Variants in SIDT2 observed in about 807,000 individuals in gnomAD.
The protein encoded by SIDT2 is SID1 transmembrane family member 2.
SIDT2 carries 68 observed loss-of-function variants against 114.4 expected under a neutral mutation model. The ratio of observed to expected loss-of-function variants is 0.59; its 90% CI spans 0.49 to 0.73. The LOEUF (loss-of-function observed/expected upper bound fraction) is 0.73, where lower values mean the gene tolerates loss of function less well. SIDT2 is among the 30% of genes least tolerant of loss of function. The probability of loss-of-function intolerance (pLI) is 0.00; values close to 1 mark genes in which losing one functional copy is unlikely to be tolerated. For missense variants in SIDT2, 918 were observed against 1,097.1 expected, an observed-to-expected ratio of 0.84 and a Z score of 2.31; for synonymous variants, 470 against 438.4, an observed-to-expected ratio of 1.07 and a Z score of -0.90.
rs998562815 is a variant in SIDT2 at position 117,191,934 on chromosome 11, C to T, written c.1792C>T (p.Arg598Trp). 5.0e-6 allele frequency: 8 copies of T among 1,614,050 alleles called. No homozygotes were observed. Among genetic ancestry groups the T allele is most frequent in the South Asian group, 2.2e-5 (2 of 91,084 alleles). The change falls in exon 19 of 26, where the codon CGG becomes TGG. Residue 598 changes from arginine to tryptophan, a missense_variant. Physicochemically the swap from Arg to Trp is moderately radical, Grantham distance 101. This residue lies in a region of SIDT2 where 275 missense variants were observed against 397.6 expected (regional missense o/e 0.69). Transcript: ENST00000324225. ...GLCMLKLYQK[R>W]HPDINASAYS... The stretch of plus-strand genomic sequence containing the variant: ...CTGCATGCTGAAGCTCTACCAGAAG[C>T]GGCACCCGGACATCAACGCCAGCGC...
In SIDT2 at chr11:117,190,508, G is replaced by A. The variant is rs531520007; in HGVS notation, c.1618-115G>A. 2.2e-5 allele frequency: 17 copies of A among 783,908 alleles called. 1 individual carries two copies. The highest frequency in any genetic ancestry group is 1.2e-4 in the South Asian group (5 of 42,776). The allele number at this position is 783,908 out of a possible 1,614,324, so 48.6% of individuals were successfully genotyped here. A position where few individuals can be genotyped will look rare whatever the true frequency, so the allele number is the denominator to read the frequency against. ...AGCCCACCCCTGCACACCCACACTCGACACATACCCCACCCCTTTTCCTCT... is the reference window on the plus strand; with the variant it reads ...AGCCCACCCCTGCACACCCACACTCAACACATACCCCACCCCTTTTCCTCT... On this transcript the variant is annotated intron_variant, in intron 17 of 25. Transcript: ENST00000324225. The surrounding 1 kb of genome is among the most constrained non-coding windows in gnomAD (Gnocchi z 4.1).
chr11:117,185,606 G>A (rs1189871488), intron 8 of SIDT2, among the ~76,000 whole-genome samples: 3 of 152,120 alleles, frequency 2.0e-5, no homozygotes, highest in Admixed American at 6.5e-5. Flanking sequence ...GGCCAGGCAC[G>A]GTGGCTCACG....
rs1377594011 is a variant in SIDT2 at position 117,182,817 on chromosome 11, C to T, written c.702+11C>T. The T allele has an allele frequency of 6.2e-7, 1 of 1,611,654 alleles. No individual in the cohort carries two copies. The highest frequency in any genetic ancestry group is 8.5e-7 in the Non-Finnish European group (1 of 1,178,870). ...GCCATCACCGTACAGGTAGGAAATG[C>T]ATGTGGCCACGTGGGAGGTGTGGCT... On this transcript the variant is annotated intron_variant, in intron 6 of 25. Coordinates refer to ENST00000324225, the MANE Select transcript of SIDT2 (RefSeq NM_001040455.2).
At chr11:117,182,832 G>C (rs1271917959) in intron 6 of SIDT2, 26 bp downstream of exon 6, 1 of 1,607,486 alleles carries the variant, frequency 6.2e-7, no homozygotes, top group Admixed American at 1.7e-5. Flanking sequence ...GGCCACGTGG[G>C]AGGTGTGGCT....
At chr11:117,193,810 G>C (rs1351996210) in intron 23 of SIDT2, 43 bp from the exon 24 acceptor site, 2 of 1,466,074 alleles carry the variant, frequency 1.4e-6, no homozygotes, top group African/African-American at 1.4e-5. Flanking sequence ...GGGTGGGACA[G>C]GGGTAAGCCC....
chr11:117,189,911 C>T (rs772291184), intron 15 of SIDT2, 41 bp from the exon 16 acceptor site: 11 of 1,599,436 alleles, frequency 6.9e-6, no homozygotes, highest in African/African-American at 2.7e-5. Context: ...CTGAGTTGGG[C>T]GTGACGACAG....
At chr11:117,180,676 C>T (rs2030251797) in intron 1 of SIDT2, among the ~76,000 whole-genome samples, 2 of 151,814 alleles carry the variant, frequency 1.3e-5, no homozygotes, top group South Asian at 4.1e-4. Flanking sequence ...GTTGAGATTA[C>T]AGGCGCCTGC....
In SIDT2 at chr11:117,188,443, C is replaced by A. The variant is rs572944671; in HGVS notation, c.1160-265C>A. 328 of 519,642 alleles carry A rather than the reference C, an allele frequency of 6.3e-4. 1 individual carries two copies. The highest frequency in any genetic ancestry group is 5.0e-3 in the African/African-American group (263 of 52,554). The allele number at this position is 519,642 out of a possible 1,614,324, so 32.2% of individuals were successfully genotyped here. On this transcript the variant is annotated intron_variant, in intron 12 of 25. Coordinates refer to ENST00000324225, the MANE Select transcript of SIDT2 (RefSeq NM_001040455.2). This position sits in a 1 kb window ranked among gnomAD's most constrained non-coding sequence, Gnocchi z 4.0. ...GTGTCCTGGCCTGGGAAGCCCTAGC[C>A]CATGAGGGGTGCCAGGAACAGAGCA...
intron 6 of SIDT2, among the ~76,000 whole-genome samples, chr11:117,183,283 T>A (rs1196755305): frequency 6.6e-6 from 1 of 150,414 alleles, no homozygotes; most frequent in Non-Finnish European, 1.5e-5. Context: ...AGACAGAGGT[T>A]GCAGTGAGCC....
Position 117,189,235 on chromosome 11 carries a change from T to C in SIDT2, c.1345T>C (p.Tyr449His), listed in dbSNP as rs1178915267. ...TGTTCTGCGGAAAAAGTACCAGATC[T>C]ACTTCTGGTGAGTGGGCTGAGTGTC... ...KRVLRKKYQIYFWNIATIAVF... is the reference protein window; with the variant it reads ...KRVLRKKYQIHFWNIATIAVF... Residue 449 changes from tyrosine to histidine, a missense_variant, in exon 14 of 26, where the codon TAC becomes CAC. This residue lies in a region of SIDT2 where 553 missense variants were observed against 600.1 expected (regional missense o/e 0.92). Coordinates refer to ENST00000324225, the MANE Select transcript of SIDT2 (RefSeq NM_001040455.2). The C allele has an allele frequency of 6.2e-7, 1 of 1,614,120 alleles. No individual in the cohort carries two copies. The highest frequency in any genetic ancestry group is 8.5e-7 in the Non-Finnish European group (1 of 1,180,036).
Position 117,192,889 on chromosome 11 carries a change from G to T in SIDT2, c.2105+23G>T. 1.2e-6 allele frequency: 2 copies of T among 1,614,080 alleles called. No individual in the cohort carries two copies. Among genetic ancestry groups the T allele is most frequent in the Admixed American group, 1.7e-5 (1 of 60,030 alleles). On this transcript the variant is annotated intron_variant, in intron 22 of 25. Coordinates refer to ENST00000324225, the MANE Select transcript of SIDT2 (RefSeq NM_001040455.2). The surrounding 1 kb of genome is among the most constrained non-coding windows in gnomAD (Gnocchi z 5.9). ...GCTGTGAGTATGGTCAGCAGTAGTG[G>T]CCTGGTTGGGTGGACAGCTGGGGAC...
rs376711215 is a variant in SIDT2, at chr11:117,183,923, G to A, written c.802+45G>A. ...CCTGGCTAGGGATGGGGAGGTCTTG[G>A]TCACTTTCTGGGAGCAAGAAGAGCC... On this transcript the variant is annotated intron_variant, in intron 7 of 25. Transcript: ENST00000324225. 7.1e-6 allele frequency: 11 copies of A among 1,543,784 alleles called. No homozygotes were observed. The African/African-American group carries it at 1.5e-4, about 21-fold the overall frequency.
Position 117,182,711 on chromosome 11 carries a change from G to A in SIDT2, c.619-12G>A, listed in dbSNP as rs200946172. On this transcript the variant is annotated splice_polypyrimidine_tract_variant and intron_variant, in intron 5 of 25. Coordinates refer to ENST00000324225, the MANE Select transcript of SIDT2 (RefSeq NM_001040455.2). ...AGGTTCCCATCCATCTGCCTCTCCC[G>A]CCCCTCTGCAGTGTCCTGTCTATGA... 79 of 1,613,990 alleles carry A rather than the reference G, an allele frequency of 4.9e-5. No homozygotes were observed. The African/African-American group carries it at 6.5e-4, about 13-fold the overall frequency.
intron 18 of SIDT2, chr11:117,191,497 T>C (rs1481562872): frequency 1.5e-5 from 3 of 200,200 alleles, no homozygotes; most frequent in Non-Finnish European, 3.0e-5. Flanking sequence ...GGCAGGAGAA[T>C]TGCTTGAGCC....
intron 24 of SIDT2, among the ~76,000 whole-genome samples, chr11:117,195,180 C>A (rs1469352092): frequency 6.9e-6 from 1 of 145,342 alleles, no homozygotes; most frequent in Non-Finnish European, 1.5e-5. Context: ...GATACAGGGG[C>A]AGATTTGGAG....
intron 12 of SIDT2, 159 bp downstream of exon 12, chr11:117,187,858 C>T: frequency 1.3e-6 from 1 of 749,746 alleles, no homozygotes; most frequent in Non-Finnish European, 2.3e-6. Context: ...CTCCTTGGCC[C>T]CAGTTCCCTG....
chr11:117,190,684 AG>A lies in SIDT2; in HGVS notation c.1683del (p.Leu562CysfsTer24). On this transcript the variant is annotated frameshift_variant, in exon 18 of 26. Transcript: ENST00000324225. LOFTEE classifies it high-confidence loss of function. The surrounding 1 kb of genome is among the most constrained non-coding windows in gnomAD (Gnocchi z 4.1). ...GCCATGGGCACAGCCCTGATGATGG[AG>A]GGGCTGCTCAGTGCTTGCTATCATG... ...FYAMGTALMM[E>X]GLLSACYHVC... 1 of 1,613,122 alleles carries A rather than the reference AG, an allele frequency of 6.2e-7. No individual in the cohort carries two copies. Among genetic ancestry groups the A allele is most frequent in the South Asian group, 1.1e-5 (1 of 90,774 alleles).
intron 24 of SIDT2, among the ~76,000 whole-genome samples, chr11:117,195,085 C>CAAAAAAAAAAAAAAAA (rs55970874): frequency 1.1e-4 from 5 of 45,692 alleles, no homozygotes; most frequent in African/African-American, 2.5e-4. Flanking sequence ...GACTCTGTCT[C>CAAAAAAAAAAAAAAAA]AAAAAAAAAA....
intron 23 of SIDT2, among the ~76,000 whole-genome samples, 198 bp downstream of exon 23, chr11:117,193,456 G>T (rs1839467380): frequency 6.6e-6 from 1 of 152,194 alleles, no homozygotes; most frequent in African/African-American, 2.4e-5. Context: ...CCCTTCCAAG[G>T]GCCCTTGAAA....
Sources: allele counts gnomAD v4.1 joint callset (sites outside exome capture counted in the v4.1 genomes callset), GRCh38; gene constraint gnomAD v4.1.1; regional missense constraint gnomAD v4.1.1; non-coding constraint Gnocchi (gnomAD v3.1); transcripts MANE v1.5; gene names NCBI Gene and HGNC (gene_info 2026-07-23, HGNC 2026-07-21).